The following PCDHA3 variants were observed in gnomAD, a reference collection of about 807,000 sequenced individuals.
The protein encoded by PCDHA3 is protocadherin alpha-3.
PCDHA3 carries 41 observed loss-of-function variants against 62.2 expected under a neutral mutation model. The observed-to-expected ratio is 0.66, with a 90% CI of 0.51 to 0.86. The LOEUF is 0.86. PCDHA3 is among the 40% of genes least tolerant of loss of function. The probability of loss-of-function intolerance (pLI) is 0.00; values close to 1 mark genes in which losing one functional copy is unlikely to be tolerated. For missense variants in PCDHA3, 1,304 were observed against 1,241.2 expected, an observed-to-expected ratio of 1.05 and a Z score of -0.76; for synonymous variants, 640 against 555.4, an observed-to-expected ratio of 1.15 and a Z score of -2.14.
chr5:140,897,409 A>G (rs945260120), intron 1 of PCDHA3, among the ~76,000 whole-genome samples: 16 of 140,532 alleles, frequency 1.1e-4, no homozygotes, highest in Non-Finnish European at 1.7e-4. Flanking sequence ...TCATTGTTCA[A>G]TTCCCATCTA....
intron 1 of PCDHA3, chr5:140,847,531 C>G (rs1562439566): frequency 6.7e-6 from 1 of 149,400 alleles, no homozygotes. Context: ...GGAAAAGAAT[C>G]TCAAGCATAG....
chr5:140,815,806 G>T (rs1765796247), intron 1 of PCDHA3: 2 of 152,132 alleles, frequency 1.3e-5, no homozygotes, highest in South Asian at 2.1e-4. Context: ...AACTGGGAAG[G>T]TCTTTATCTC....
At chr5:140,824,132 G>A in intron 1 of PCDHA3, 1 of 1,613,590 alleles carries the variant, frequency 6.2e-7, no homozygotes, top group Non-Finnish European at 8.5e-7. Context: ...GACAACGTGA[G>A]TTTTCTAATA....
chr5:140,877,874 C>A, intron 1 of PCDHA3: 1 of 1,477,456 alleles, frequency 6.8e-7, no homozygotes, highest in Non-Finnish European at 9.0e-7. Flanking sequence ...ATATTTGTTT[C>A]CTTGAAGAAC....
chr5:140,850,924 T>A (rs2150502629), intron 1 of PCDHA3: 3 of 1,517,174 alleles, frequency 2.0e-6, no homozygotes, highest in Non-Finnish European at 1.8e-6. Flanking sequence ...ATTTATATAA[T>A]TTTTTTTCTT....
At chr5:140,809,687 C>A in intron 1 of PCDHA3, 2 of 1,291,002 alleles carry the variant, frequency 1.5e-6, no homozygotes, top group Non-Finnish European at 2.1e-6. Context: ...CCTCTTTTTA[C>A]ATATCCATTT....
chr5:140,841,016 A>G (rs1375684140), intron 1 of PCDHA3, among the ~76,000 whole-genome samples: 1 of 152,070 alleles, frequency 6.6e-6, no homozygotes, highest in African/African-American at 2.4e-5. Context: ...AGACAGTATG[A>G]ATGCCTCTGC....
chr5:140,835,623 G>T, intron 1 of PCDHA3: 2 of 1,613,888 alleles, frequency 1.2e-6, no homozygotes, highest in Non-Finnish European at 1.7e-6. Flanking sequence ...CAGCGCTCTG[G>T]ACCGCGAGAG....
intron 1 of PCDHA3, chr5:140,841,417 C>G (rs2150314997): frequency 2.5e-6 from 4 of 1,613,050 alleles, no homozygotes; most frequent in Non-Finnish European, 3.4e-6. Flanking sequence ...GCCAGCTCCA[C>G]TACTCCGTCC....
chr5:140,908,492 T>G (rs1241563422), intron 1 of PCDHA3, among the ~76,000 whole-genome samples: 3 of 152,226 alleles, frequency 2.0e-5, no homozygotes, highest in African/African-American at 7.2e-5. Context: ...CAGTTCAGGT[T>G]GCTTGGTGAC....
rs374162485 is a variant in PCDHA3 at position 140,856,517 on chromosome 5, T to A, written c.2394+52926T>A. 8 of 1,598,368 alleles carry A rather than the reference T, an allele frequency of 5.0e-6. 1 individual carries two copies. Among genetic ancestry groups the A allele is most frequent in the Non-Finnish European group, 6.0e-6 (7 of 1,167,940 alleles). On this transcript the variant is annotated intron_variant, in intron 1 of 3. Coordinates refer to ENST00000522353, the MANE Select transcript of PCDHA3 (RefSeq NM_018906.3). ...CTCTCGATTTCCACTAGAAGGCGCA[T>A]CTGATGCGGATGTTGGAGAGAACGC...
At chr5:140,882,343 G>T (rs1554173636) in intron 1 of PCDHA3, 1 of 1,614,198 alleles carries the variant, frequency 6.2e-7, no homozygotes, top group Admixed American at 1.7e-5. Context: ...CAGCCTGGGA[G>T]ACGGGTAGTG....
intron 1 of PCDHA3, chr5:140,857,381 G>A (rs1232678115): frequency 6.3e-7 from 1 of 1,598,364 alleles, no homozygotes; most frequent in Non-Finnish European, 8.6e-7. Flanking sequence ...TGTGGAGGTG[G>A]CCGACGTGAA....
At chr5:140,927,165 T>A in intron 1 of PCDHA3, 1 of 1,614,164 alleles carries the variant, frequency 6.2e-7, no homozygotes, top group Non-Finnish European at 8.5e-7. Context: ...GGGCCAAAGC[T>A]GCCTGCGTCT....
At chr5:140,817,799 C>T (rs2150099145) in intron 1 of PCDHA3, among the ~76,000 whole-genome samples, 76 of 152,158 alleles carry the variant, frequency 5.0e-4, no homozygotes, top group African/African-American at 1.7e-3. Context: ...GTAAAGAAAC[C>T]TTTACGTTTT....
intron 1 of PCDHA3, among the ~76,000 whole-genome samples, chr5:140,839,285 T>C (rs2150296208): frequency 2.0e-5 from 3 of 152,170 alleles, no homozygotes; most frequent in East Asian, 3.9e-4. Flanking sequence ...CTTCCTAGCA[T>C]ATTATTAAAG....
intron 1 of PCDHA3, among the ~76,000 whole-genome samples, chr5:140,872,173 T>C (rs2053523271): frequency 6.6e-6 from 1 of 152,224 alleles, no homozygotes; most frequent in Non-Finnish European, 1.5e-5. Flanking sequence ...TTCTTTTTTT[T>C]TTTTACAGTG....
rs782094851 is a variant in PCDHA3, at chr5:140,857,519, T to C, written c.2394+53928T>C. 175 of 1,597,972 alleles carry C rather than the reference T, an allele frequency of 1.1e-4. 14 individuals are homozygous for C. The highest frequency in any genetic ancestry group is 1.4e-4 in the Non-Finnish European group (163 of 1,167,816). On this transcript the variant is annotated intron_variant, in intron 1 of 3. Coordinates refer to ENST00000522353, the MANE Select transcript of PCDHA3 (RefSeq NM_018906.3). ...CGCGCAGGAGAACGCCCTGGTGTCCTACTCTCTGGTGGAGCGGCGGTTGGG... is the reference window on the plus strand; with the variant it reads ...CGCGCAGGAGAACGCCCTGGTGTCCCACTCTCTGGTGGAGCGGCGGTTGGG...
chr5:140,898,628 C>T (rs1305030651), intron 1 of PCDHA3, among the ~76,000 whole-genome samples: 2 of 152,176 alleles, frequency 1.3e-5, no homozygotes, highest in African/African-American at 4.8e-5. Context: ...TAGCATAATG[C>T]CTCCAGCTTT....
Sources: gnomAD v4.1 joint callset for allele counts (sites outside exome capture counted in the v4.1 genomes callset) on GRCh38, gnomAD v4.1.1 for gene constraint, MANE v1.5 for transcripts, NCBI Gene and HGNC (gene_info 2026-07-23, HGNC 2026-07-21) for gene names.